Variants in DOCK4 observed in about 807,000 individuals in gnomAD.
DOCK4 encodes the protein dedicator of cytokinesis protein 4.
DOCK4 carries 97 observed loss-of-function variants against 268.1 expected under a neutral mutation model. That is an observed-to-expected ratio of 0.36 (90% confidence interval 0.31 to 0.43). The LOEUF is 0.43. DOCK4 is among the 20% of genes least tolerant of loss of function. The probability of loss-of-function intolerance (pLI) is 1.00; values close to 1 mark genes in which losing one functional copy is unlikely to be tolerated. For synonymous variants in DOCK4, 954 were observed against 887.2 expected (o/e 1.08, Z -1.34); for missense variants, 2,145 against 2,455.7 (o/e 0.87, Z 2.67).
At chr7:112,183,248 T>C (rs913821852) in intron 1 of DOCK4, among the ~76,000 whole-genome samples, 1 of 152,040 alleles carries the variant, frequency 6.6e-6, no homozygotes, top group Non-Finnish European at 1.5e-5. Context: ...AACTACCTCT[T>C]AATGGAAGGT....
chr7:112,094,782 A>G (rs1809955265), intron 1 of DOCK4, among the ~76,000 whole-genome samples: 1 of 152,038 alleles, frequency 6.6e-6, no homozygotes, highest in African/African-American at 2.4e-5. Context: ...ATGGGGATGG[A>G]TCCCTCATGG....
At chr7:112,182,882 C>T (rs1221471864) in intron 1 of DOCK4, among the ~76,000 whole-genome samples, 1 of 152,222 alleles carries the variant, frequency 6.6e-6, no homozygotes, top group African/African-American at 2.4e-5. Context: ...CAGGACTGGA[C>T]AATGCACTTG....
intron 17 of DOCK4, among the ~76,000 whole-genome samples, chr7:111,876,062 C>A (rs1176184296): frequency 1.3e-5 from 2 of 151,958 alleles, no homozygotes; most frequent in Non-Finnish European, 2.9e-5. Flanking sequence ...GGTAAACTGG[C>A]CCCATAAAAA....
intron 44 of DOCK4, among the ~76,000 whole-genome samples, chr7:111,743,896 T>G (rs1247947088): frequency 1.3e-5 from 2 of 152,208 alleles, no homozygotes; most frequent in African/African-American, 4.8e-5. Context: ...CATAGCTCAC[T>G]GCAACCTCGA....
At chr7:112,145,858 G>T (rs576695548) in intron 1 of DOCK4, among the ~76,000 whole-genome samples, 104 of 152,134 alleles carry the variant, frequency 6.8e-4, no homozygotes, top group Non-Finnish European at 1.3e-3. Flanking sequence ...GGTCAAGGAG[G>T]GTGTGAGAGC....
intron 13 of DOCK4, among the ~76,000 whole-genome samples, chr7:111,904,772 T>A (rs1386906438): frequency 6.6e-6 from 1 of 152,180 alleles, no homozygotes; most frequent in Non-Finnish European, 1.5e-5. Flanking sequence ...CAGGTTTTTG[T>A]TATTAACATG....
intron 35 of DOCK4, among the ~76,000 whole-genome samples, chr7:111,781,010 C>T (rs1417919740): frequency 1.3e-5 from 2 of 152,168 alleles, no homozygotes; most frequent in Non-Finnish European, 2.9e-5. Flanking sequence ...TATTAAATCT[C>T]AGGTGTATTC....
chr7:112,139,532 G>C (rs953531562), intron 1 of DOCK4, among the ~76,000 whole-genome samples: 3 of 152,184 alleles, frequency 2.0e-5, no homozygotes, highest in African/African-American at 7.2e-5. Context: ...TATCAAATGT[G>C]AAGATGGGAT....
rs1717929009 is a variant in DOCK4, at chr7:111,727,090, TTACTA to T, written c.*1179_*1183del. Reference sequence around the variant, plus strand: ...AGAAAAAACAAAGATATAAAATACATTACTACATACAAGGTGCTTTTTTCACACTT... The same window carrying T: ...AGAAAAAACAAAGATATAAAATACATCATACAAGGTGCTTTTTTCACACTT... On this transcript the variant is annotated 3_prime_UTR_variant, in exon 53 of 53. Coordinates refer to ENST00000428084, the MANE Select transcript of DOCK4 (RefSeq NM_001363540.2). 2.6e-5 allele frequency: 4 copies of T among 152,656 alleles called. No individual in the cohort carries two copies. The highest frequency in any genetic ancestry group is 9.6e-5 in the African/African-American group (4 of 41,460). 9.5% of individuals were successfully genotyped at this position (152,656 alleles called of 1,614,324 possible). A position where few individuals can be genotyped will look rare whatever the true frequency, so the allele number is the denominator to read the frequency against.
At chr7:111,983,822 G>A (rs59041041) in intron 7 of DOCK4, among the ~76,000 whole-genome samples, 17,802 of 147,534 alleles carry the variant, frequency 0.12, 1,122 homozygotes, top group Middle Eastern at 0.16. Flanking sequence ...TGTATATAGT[G>A]CTATTATGTA....
intron 16 of DOCK4, among the ~76,000 whole-genome samples, chr7:111,891,184 A>T (rs958052334): frequency 1.8e-5 from 2 of 108,160 alleles, no homozygotes; most frequent in African/African-American, 6.4e-5. Flanking sequence ...TTGTTTGGTC[A>T]AAATGAAAAA....
chr7:111,948,206 T>C (rs1056752323), intron 8 of DOCK4, among the ~76,000 whole-genome samples: 1 of 152,150 alleles, frequency 6.6e-6, no homozygotes, highest in South Asian at 2.1e-4. Context: ...CTTTAGGAAA[T>C]AGGTACTATT....
chr7:112,172,062 A>G (rs1818132060), intron 1 of DOCK4, among the ~76,000 whole-genome samples: 1 of 152,228 alleles, frequency 6.6e-6, no homozygotes, highest in East Asian at 1.9e-4. Flanking sequence ...TTTTAACTTA[A>G]CCACCTATTT....
chr7:111,866,980 G>T (rs1806023905), intron 22 of DOCK4, among the ~76,000 whole-genome samples: 1 of 152,308 alleles, frequency 6.6e-6, no homozygotes, highest in South Asian at 2.1e-4. Context: ...TCTCTGGCAA[G>T]TTCCCATAGT....
intron 8 of DOCK4, among the ~76,000 whole-genome samples, chr7:111,946,183 CTTAA>C (rs1296008073): frequency 2.6e-5 from 4 of 152,176 alleles, no homozygotes; most frequent in Non-Finnish European, 5.9e-5. Context: ...TGTCACATTA[CTTAA>C]TTAACATTAA....
chr7:111,761,362 G>A (rs1278220245), intron 39 of DOCK4, among the ~76,000 whole-genome samples: 1 of 152,092 alleles, frequency 6.6e-6, no homozygotes, highest in African/African-American at 2.4e-5. Flanking sequence ...GCCTGGCCAT[G>A]GCTTAATGTC....
Position 111,935,527 on chromosome 7 carries a change from C to A in DOCK4, c.1066+13G>T. The stretch of plus-strand genomic sequence containing the variant: ...GAAAAGTGTAGGGAAAGTCAGCCAG[C>A]CCATACACTCACCTGCATTGGAGCC... On this transcript the variant is annotated intron_variant, in intron 12 of 52. Transcript: ENST00000428084. The A allele has an allele frequency of 6.2e-7, 1 of 1,610,614 alleles. No homozygotes were observed. The highest frequency in any genetic ancestry group is 1.1e-5 in the South Asian group (1 of 90,964).
chr7:111,970,461 T>C (rs1389344320), intron 8 of DOCK4, among the ~76,000 whole-genome samples: 1 of 152,194 alleles, frequency 6.6e-6, no homozygotes, highest in Non-Finnish European at 1.5e-5. Context: ...GCCTGGAATA[T>C]AATAAGCATT....
At chr7:112,009,315 A>G (rs1801105476) in intron 1 of DOCK4, among the ~76,000 whole-genome samples, 1 of 152,224 alleles carries the variant, frequency 6.6e-6, no homozygotes, top group Admixed American at 6.5e-5. Context: ...GTTGTGGTTT[A>G]AAAGGTCACT....
Sources: allele counts gnomAD v4.1 joint callset (sites outside exome capture counted in the v4.1 genomes callset), GRCh38; gene constraint gnomAD v4.1.1; transcripts MANE v1.5; gene names NCBI Gene and HGNC (gene_info 2026-07-23, HGNC 2026-07-21).